SHROOM2: variants seen among roughly 807,000 people sequenced by gnomAD.
SHROOM2 encodes the protein shroom family member 2.
SHROOM2 carries 33 observed loss-of-function variants against 75.9 expected under a neutral mutation model. The ratio of observed to expected loss-of-function variants is 0.43; its 90% CI spans 0.33 to 0.58. The LOEUF (loss-of-function observed/expected upper bound fraction) is 0.58. Ranked by LOEUF, SHROOM2 falls within the 20% of genes least tolerant of loss-of-function variation. The probability of loss-of-function intolerance (pLI) is 0.04; values close to 1 mark genes in which losing one functional copy is unlikely to be tolerated. For synonymous variants in SHROOM2, 655 were observed against 663.6 expected (o/e 0.99, Z 0.20); for missense variants, 1,434 against 1,461.2 (o/e 0.98, Z 0.30).
chrX:9,808,086 C>T (rs1262946378), intron 1 of SHROOM2, among the ~76,000 whole-genome samples: 2 of 111,290 alleles, frequency 1.8e-5, no homozygotes, highest in African/African-American at 3.3e-5. Flanking sequence ...CCAGACTTTG[C>T]CCCGCTTGGA....
At chrX:9,908,953 A>T (rs2084406125) in intron 5 of SHROOM2, among the ~76,000 whole-genome samples, 1 of 108,877 alleles carries the variant, frequency 9.2e-6, no homozygotes, top group Non-Finnish European at 1.9e-5. Flanking sequence ...AAAAATAAAT[A>T]AATAAATAAA....
chrX:9,898,046 G>A (rs2084344300), intron 4 of SHROOM2, 144 bp from the exon 5 acceptor site: 3 of 515,867 alleles, frequency 5.8e-6, no homozygotes, highest in Admixed American at 5.5e-5. Context: ...AAGTGGACGT[G>A]GGGTCTTATT....
chrX:9,849,055 C>G (rs992476325), intron 1 of SHROOM2, among the ~76,000 whole-genome samples: 2 of 111,879 alleles, frequency 1.8e-5, no homozygotes, highest in Non-Finnish European at 1.9e-5. Flanking sequence ...GGCACTGTGT[C>G]GGAAACCGAG....
chrX:9,937,532 C>T lies in SHROOM2; in HGVS notation c.3986C>T (p.Ser1329Phe), dbSNP rs771863378. 6 of 1,211,567 alleles carry T rather than the reference C, an allele frequency of 5.0e-6. No homozygotes were observed. The highest frequency in any genetic ancestry group is 6.7e-6 in the Non-Finnish European group (6 of 895,498). The change falls in exon 7 of 10, where the codon TCC becomes TTC. Residue 1329 changes from serine (S) to phenylalanine (F), a missense_variant. Physicochemically the swap from Ser to Phe is radical, Grantham distance 155. Around this residue, in one of 3 missense-constraint regions of SHROOM2, gnomAD observed 1,340 missense variants for 1,338.3 expected, o/e 1.00. Coordinates refer to ENST00000380913, the MANE Select transcript of SHROOM2 (RefSeq NM_001649.4). Reference sequence around the variant, plus strand: ...AGGGAGATCGTGGGGAAGGATAAGTCCCTGGCCGACATCCTGGATCCCAGT... The same window carrying T: ...AGGGAGATCGTGGGGAAGGATAAGTTCCTGGCCGACATCCTGGATCCCAGT... ...LAREIVGKDK[S>F]LADILDPSVK... is the part of the protein sequence containing the mutation.
intron 1 of SHROOM2, among the ~76,000 whole-genome samples, chrX:9,838,914 G>A (rs946765535): frequency 2.7e-5 from 3 of 111,636 alleles, no homozygotes; most frequent in Non-Finnish European, 5.6e-5. Flanking sequence ...AAGGAGATTC[G>A]TGGTTGCCTG....
At chrX:9,811,918 TG>T (rs781316455) in intron 1 of SHROOM2, among the ~76,000 whole-genome samples, 3 of 111,357 alleles carry the variant, frequency 2.7e-5, no homozygotes, top group Non-Finnish European at 3.8e-5. Flanking sequence ...GTAACTTACT[TG>T]TGCCTTCAGG....
At chrX:9,834,221 C>G (rs2146762432) in intron 1 of SHROOM2, among the ~76,000 whole-genome samples, 1 of 111,985 alleles carries the variant, frequency 8.9e-6, no homozygotes, top group South Asian at 3.7e-4. Context: ...ACCTGTCACC[C>G]TATCCCAGGA....
At chrX:9,946,373 T>C (rs2084818894) in intron 9 of SHROOM2, among the ~76,000 whole-genome samples, 1 of 113,046 alleles carries the variant, frequency 8.8e-6, no homozygotes, top group Non-Finnish European at 1.9e-5. Flanking sequence ...TTGGTGACTC[T>C]TCTGCTCACC....
At chrX:9,865,315 CT>C (rs2084128850) in intron 1 of SHROOM2, 1 of 111,455 alleles carries the variant, frequency 9.0e-6, no homozygotes, top group African/African-American at 3.3e-5. Context: ...AAAACAGTTG[CT>C]GAAAGTATTC....
At chrX:9,886,253 A>G (rs1300280965) in intron 2 of SHROOM2, among the ~76,000 whole-genome samples, 4 of 112,373 alleles carry the variant, frequency 3.6e-5, no homozygotes, top group African/African-American at 9.7e-5. Context: ...ATTCCCGTCC[A>G]TGGGGAGCCC....
In SHROOM2 at chrX:9,848,510, C is replaced by CACAAAAAA. The variant is rs1555927073; in HGVS notation, c.166-25141_166-25140insCAAAAAAA. On this transcript the variant is annotated intron_variant, in intron 1 of 9. Transcript: ENST00000380913. ...TGGGCGACAGAGCGAGACTCCGTCT[C>CACAAAAAA]AAAAAAAAAAAAAAAAAAAAAGAAA... 3.3e-3 allele frequency among the ~76,000 whole-genome samples: 72 copies of CACAAAAAA among 22,023 alleles called. 8 individuals are homozygous for CACAAAAAA. Among genetic ancestry groups the CACAAAAAA allele is most frequent in the African/African-American group, 9.9e-3 (65 of 6,541 alleles). 19.1% of individuals were successfully genotyped at this position (22,023 alleles called of 115,157 possible).
At chrX:9,878,695 G>A (rs2084214685) in intron 2 of SHROOM2, among the ~76,000 whole-genome samples, 1 of 111,107 alleles carries the variant, frequency 9.0e-6, no homozygotes, top group Non-Finnish European at 1.9e-5. Context: ...CAGCAGTAAG[G>A]GGCCGCCTAA....
chrX:9,922,394 AGTAAGTT>A (rs1569170621), intron 5 of SHROOM2, among the ~76,000 whole-genome samples: 46 of 111,024 alleles, frequency 4.1e-4, no homozygotes, highest in African/African-American at 1.5e-3. Flanking sequence ...TAATCAAAAC[AGTAAGTT>A]CCAGAAAGCT....
intron 5 of SHROOM2, among the ~76,000 whole-genome samples, chrX:9,900,189 G>T (rs751666868): frequency 9.0e-6 from 1 of 111,043 alleles, no homozygotes; most frequent in Non-Finnish European, 1.9e-5. Context: ...GCAATTTTCA[G>T]AATTGTTGGG....
At chrX:9,884,119 C>T (rs901717188) in intron 2 of SHROOM2, among the ~76,000 whole-genome samples, 3 of 111,432 alleles carry the variant, frequency 2.7e-5, no homozygotes, top group African/African-American at 9.8e-5. Flanking sequence ...CCACCAACAC[C>T]CCCCGCCCCC....
intron 1 of SHROOM2, among the ~76,000 whole-genome samples, chrX:9,823,164 T>TTTCTTC (rs201275795): frequency 2.8e-5 from 1 of 35,690 alleles, no homozygotes. Flanking sequence ...TTCTTCTTCT[T>TTTCTTC]TTCTTCTTCT....
chrX:9,940,477 C>A (rs1266552554), intron 8 of SHROOM2, among the ~76,000 whole-genome samples: 1 of 111,846 alleles, frequency 8.9e-6, no homozygotes, highest in Non-Finnish European at 1.9e-5. Context: ...AGTGTGGCTC[C>A]GGAACTGAGT....
In SHROOM2 at chrX:9,949,049, T is replaced by C. The variant is rs979678521; in HGVS notation, c.*2112T>C. On this transcript the variant is annotated 3_prime_UTR_variant, in exon 10 of 10. Coordinates refer to ENST00000380913, the MANE Select transcript of SHROOM2 (RefSeq NM_001649.4). Reference sequence around the variant, plus strand: ...GATGTCTTTTTAGGACTTTCTCTTCTACACAGCAATACGTCGTGCTCGAGT... The same window carrying C: ...GATGTCTTTTTAGGACTTTCTCTTCCACACAGCAATACGTCGTGCTCGAGT... 2.6e-5 allele frequency: 5 copies of C among 190,610 alleles called. No homozygotes were observed. Among genetic ancestry groups the C allele is most frequent in the Admixed American group, 1.3e-4 (2 of 15,890 alleles). The allele number at this position is 190,610 out of a possible 1,213,427, so 15.7% of individuals were successfully genotyped here.
At chrX:9,816,920 G>GT (rs1320287942) in intron 1 of SHROOM2, among the ~76,000 whole-genome samples, 1 of 111,757 alleles carries the variant, frequency 8.9e-6, no homozygotes, top group African/African-American at 3.3e-5. Flanking sequence ...GACATTGGCA[G>GT]TATCTTCATC....
Sources: gnomAD v4.1 joint callset for allele counts (sites outside exome capture counted in the v4.1 genomes callset) on GRCh38, gnomAD v4.1.1 for gene constraint, gnomAD v4.1.1 regional missense constraint, MANE v1.5 for transcripts, NCBI Gene and HGNC (gene_info 2026-07-23, HGNC 2026-07-21) for gene names.